AGBL4: variants seen among roughly 807,000 people sequenced by gnomAD.
AGBL4 encodes the protein AGBL carboxypeptidase 4.
A neutral mutation model predicts 66.4 loss-of-function variants in AGBL4; 58 were observed. The observed-to-expected ratio is 0.87, with a 90% CI of 0.71 to 1.09. AGBL4 has a LOEUF of 1.09. Among genes scored for constraint, AGBL4 ranks in the 50% least tolerant of loss-of-function variants. AGBL4 has a pLI of 0.00. For missense variants in AGBL4, 579 were observed against 631.0 expected (o/e 0.92, Z 0.88); for synonymous variants, 234 against 222.9 (o/e 1.05, Z -0.44).
chr1:49,301,305 TTA>T (rs1644741081), intron 3 of AGBL4, among the ~76,000 whole-genome samples: 2 of 152,126 alleles, frequency 1.3e-5, no homozygotes, highest in African/African-American at 4.8e-5. Flanking sequence ...TTTGCAAAAA[TTA>T]TAACAGTGAG....
chr1:48,579,613 C>T (rs903003324), intron 11 of AGBL4, among the ~76,000 whole-genome samples: 2 of 150,854 alleles, frequency 1.3e-5, no homozygotes, highest in Non-Finnish European at 3.0e-5. Context: ...AAATAATCAG[C>T]AAGAATACTC....
At chr1:49,390,962 G>A (rs765336652) in intron 3 of AGBL4, among the ~76,000 whole-genome samples, 6 of 152,144 alleles carry the variant, frequency 3.9e-5, no homozygotes, top group Non-Finnish European at 7.3e-5. Context: ...ACCAGGCTGC[G>A]GTGTGAGGGA....
At chr1:49,501,846 T>G (rs1282973527) in intron 3 of AGBL4, among the ~76,000 whole-genome samples, 1 of 152,136 alleles carries the variant, frequency 6.6e-6, no homozygotes, top group Non-Finnish European at 1.5e-5. Context: ...TTAATGTCTC[T>G]TTTAATTTCT....
intron 3 of AGBL4, among the ~76,000 whole-genome samples, chr1:49,332,343 G>C (rs1645351477): frequency 6.6e-6 from 1 of 152,054 alleles, no homozygotes; most frequent in Non-Finnish European, 1.5e-5. Flanking sequence ...CAATTAATAA[G>C]GAATTTAAAA....
rs141247631 is a variant in AGBL4 at position 49,175,475 on chromosome 1, TAATA to T, written c.377+70291_377+70294del. On this transcript the variant is annotated intron_variant, in intron 4 of 13. Coordinates refer to ENST00000371839, the MANE Select transcript of AGBL4 (RefSeq NM_032785.4). ...ATAATTGATAAGGTCTAGAATATGA[TAATA>T]AATAGTGTTGCTGAGGTGGGTGAAA... Among the ~76,000 whole-genome samples the T allele has an allele frequency of 2.6e-3, 399 of 152,174 alleles. 3 individuals are homozygous for T. The highest frequency in any genetic ancestry group is 9.2e-3 in the African/African-American group (382 of 41,540).
chr1:49,010,452 G>A (rs1662302108), intron 5 of AGBL4, among the ~76,000 whole-genome samples: 1 of 137,552 alleles, frequency 7.3e-6, no homozygotes, highest in Non-Finnish European at 1.5e-5. Flanking sequence ...TGGCCATACT[G>A]CCCAAGGTAA....
chr1:49,649,115 G>A (rs1351028438), intron 3 of AGBL4, among the ~76,000 whole-genome samples: 1 of 152,072 alleles, frequency 6.6e-6, no homozygotes, highest in Non-Finnish European at 1.5e-5. Flanking sequence ...TAATCCAACT[G>A]TATCAATGAT....
intron 3 of AGBL4, among the ~76,000 whole-genome samples, chr1:49,544,018 C>A (rs1652280869): frequency 6.6e-6 from 1 of 152,150 alleles, no homozygotes; most frequent in Admixed American, 6.5e-5. Flanking sequence ...ATTTTTCATA[C>A]ACGTGACATA....
At chr1:48,904,035 T>G (rs1449100414) in intron 5 of AGBL4, among the ~76,000 whole-genome samples, 2 of 152,062 alleles carry the variant, frequency 1.3e-5, no homozygotes, top group African/African-American at 2.4e-5. Context: ...TCCCAGCACT[T>G]TGGGAGGCTA....
chr1:49,091,792 A>G (rs776085634), intron 4 of AGBL4, among the ~76,000 whole-genome samples: 17 of 152,174 alleles, frequency 1.1e-4, no homozygotes, highest in East Asian at 1.9e-4. Flanking sequence ...ATGCCCATCA[A>G]TAGTAGAGTG....
At chr1:49,873,728 C>T (rs1646896065) in intron 1 of AGBL4, among the ~76,000 whole-genome samples, 2 of 151,928 alleles carry the variant, frequency 1.3e-5, no homozygotes, top group Non-Finnish European at 2.9e-5. Context: ...CCCTCAAAAT[C>T]ATCTTTGGAG....
chr1:48,770,027 GC>G (rs926290321), intron 6 of AGBL4, among the ~76,000 whole-genome samples: 46 of 152,092 alleles, frequency 3.0e-4, no homozygotes, highest in African/African-American at 6.8e-4. Context: ...TGACCTGCTT[GC>G]CACCTTTAGT....
At chr1:48,932,493 T>A (rs146798991) in intron 5 of AGBL4, among the ~76,000 whole-genome samples, 19 of 152,254 alleles carry the variant, frequency 1.2e-4, no homozygotes, top group African/African-American at 4.6e-4. Flanking sequence ...TTTAATGGTA[T>A]AAGGACAAAA....
intron 2 of AGBL4, among the ~76,000 whole-genome samples, chr1:49,757,675 C>G (rs1651991959): frequency 6.6e-6 from 1 of 152,166 alleles, no homozygotes; most frequent in South Asian, 2.1e-4. Context: ...AGCAAAGACA[C>G]TGGGAGCATT....
chr1:48,716,169 G>T (rs770727455), intron 6 of AGBL4, among the ~76,000 whole-genome samples: 5 of 152,136 alleles, frequency 3.3e-5, no homozygotes, highest in Non-Finnish European at 5.9e-5. Context: ...ACTCTGGTTG[G>T]CTCTGAAACA....
chr1:49,833,983 G>T (rs1645774994), intron 2 of AGBL4, among the ~76,000 whole-genome samples: 1 of 152,130 alleles, frequency 6.6e-6, no homozygotes, highest in African/African-American at 2.4e-5. Flanking sequence ...GATTCAGTTT[G>T]CTAGGATTTT....
intron 11 of AGBL4, among the ~76,000 whole-genome samples, chr1:48,549,791 TA>T (rs1644222217): frequency 6.7e-6 from 1 of 149,840 alleles, no homozygotes; most frequent in African/African-American, 2.5e-5. Flanking sequence ...GAGAGAGATA[TA>T]AATGTAGGCA....
intron 3 of AGBL4, among the ~76,000 whole-genome samples, chr1:49,672,740 G>A (rs906774590): frequency 1.3e-5 from 2 of 151,696 alleles, no homozygotes; most frequent in Non-Finnish European, 2.9e-5. Context: ...GGCCAACATA[G>A]TGAAACCCCG....
chr1:49,958,508 T>C (rs374498998), intron 1 of AGBL4, among the ~76,000 whole-genome samples: 4 of 151,902 alleles, frequency 2.6e-5, no homozygotes, highest in African/African-American at 9.7e-5. Flanking sequence ...GGAATACTAT[T>C]CAGCCATAAA....
Sources: allele counts gnomAD v4.1 joint callset (sites outside exome capture counted in the v4.1 genomes callset), GRCh38; gene constraint gnomAD v4.1.1; transcripts MANE v1.5; gene names NCBI Gene and HGNC (gene_info 2026-07-23, HGNC 2026-07-21).